The following ADAMTS13 variants were observed in gnomAD, a reference collection of about 807,000 sequenced individuals.
The protein encoded by ADAMTS13 is A disintegrin and metalloproteinase with thrombospondin motifs 13.
A neutral mutation model predicts 155.1 loss-of-function variants in ADAMTS13; 110 were observed. The observed-to-expected ratio is 0.71, with a 90% CI of 0.61 to 0.83. ADAMTS13 has a LOEUF of 0.83. Among genes scored for constraint, ADAMTS13 ranks in the 40% least tolerant of loss-of-function variants. ADAMTS13 has a pLI of 0.00. For synonymous variants in ADAMTS13, 758 were observed against 756.4 expected (o/e 1.00, Z -0.03); for missense variants, 1,707 against 1,891.7 (o/e 0.90, Z 1.81).
chr9:133,425,585 G>A lies in ADAMTS13; in HGVS notation c.387G>A (p.Val129=). 6.2e-7 allele frequency: 1 copy of A among 1,613,738 alleles called. No homozygotes were observed. Among genetic ancestry groups the A allele is most frequent in the Non-Finnish European group, 8.5e-7 (1 of 1,179,994 alleles). The part of the protein sequence containing the change: ...SLGAQFRVHL[V]KMVILTEPEG... ...GGGCTCAGTTTCGGGTGCACCTGGTGAAGATGGTCATTCTGACAGAGCCTG... is the reference window on the plus strand; with the variant it reads ...GGGCTCAGTTTCGGGTGCACCTGGTAAAGATGGTCATTCTGACAGAGCCTG... The change falls in exon 4 of 29, where the codon GTG becomes GTA. Residue 129 remains valine (V), a synonymous_variant. Coordinates refer to ENST00000355699, the MANE Select transcript of ADAMTS13 (RefSeq NM_139027.6). This position sits in a 1 kb window ranked among gnomAD's most constrained non-coding sequence, Gnocchi z 4.6.
At chr9:133,452,497 G>C (rs1554794612) in intron 23 of ADAMTS13, among the ~76,000 whole-genome samples, 3 of 152,068 alleles carry the variant, frequency 2.0e-5, no homozygotes, top group African/African-American at 7.2e-5. Flanking sequence ...AAGTCCCTTG[G>C]CTGTGTGTCC....
In ADAMTS13 at chr9:133,425,525, A is replaced by C; in HGVS notation, c.331-4A>C. The C allele has an allele frequency of 6.2e-7, 1 of 1,612,638 alleles. No individual in the cohort carries two copies. Among genetic ancestry groups the C allele is most frequent in the Non-Finnish European group, 8.5e-7 (1 of 1,179,614 alleles). ...GGTTACCTCTCTCATCTGCCCTTGC[A>C]CAGGGGGCAGAACTGCTTCGGGACC... On this transcript the variant is annotated splice_region_variant and splice_polypyrimidine_tract_variant and intron_variant, in intron 3 of 28. Transcript: ENST00000355699. This position sits in a 1 kb window ranked among gnomAD's most constrained non-coding sequence, Gnocchi z 4.6.
chr9:133,437,565 C>G (rs1270335423), intron 12 of ADAMTS13, among the ~76,000 whole-genome samples, 184 bp from the exon 13 acceptor site: 1 of 152,100 alleles, frequency 6.6e-6, no homozygotes, highest in Non-Finnish European at 1.5e-5. Context: ...GCCTTGGTTC[C>G]TAATTCAATA....
intron 25 of ADAMTS13, 193 bp from the exon 26 acceptor site, chr9:133,455,876 C>T: frequency 1.3e-6 from 1 of 797,136 alleles, no homozygotes; most frequent in East Asian, 2.7e-5. Context: ...CATCTGGTAG[C>T]AGCCCTGTGC....
chr9:133,430,174 C>T lies in ADAMTS13; in HGVS notation c.987+73C>T, dbSNP rs1325943164. 15 of 1,531,390 alleles carry T rather than the reference C, an allele frequency of 9.8e-6. No individual in the cohort carries two copies. In the East Asian group the frequency reaches 3.7e-4, roughly 37 times the overall value. 94.9% of individuals were successfully genotyped at this position (1,531,390 alleles called of 1,614,324 possible). On this transcript the variant is annotated intron_variant, in intron 8 of 28. Coordinates refer to ENST00000355699, the MANE Select transcript of ADAMTS13 (RefSeq NM_139027.6). Reference sequence around the variant, plus strand: ...ATCACCCAGCTCACGTCCCCCAAAACGTGCATGGTGAGAACCTGCTGGGTG... The same window carrying T: ...ATCACCCAGCTCACGTCCCCCAAAATGTGCATGGTGAGAACCTGCTGGGTG...
intron 1 of ADAMTS13, 77 bp from the exon 2 acceptor site, chr9:133,423,024 C>A: frequency 1.5e-6 from 2 of 1,321,682 alleles, no homozygotes; most frequent in Non-Finnish European, 2.2e-6. Context: ...GATCCTCCCA[C>A]CTCGGTCTCC....
rs782487647 is a variant in ADAMTS13 at position 133,448,821 on chromosome 9, G to A, written c.2861+93G>A. 344 of 1,527,530 alleles carry A rather than the reference G, an allele frequency of 2.3e-4. 1 individual carries two copies. Among genetic ancestry groups the A allele is most frequent in the Non-Finnish European group, 2.8e-4 (316 of 1,139,146 alleles). The allele number at this position is 1,527,530 out of a possible 1,614,324, so 94.6% of individuals were successfully genotyped here. The stretch of plus-strand genomic sequence containing the variant: ...CATGCCCGGTGACCTGCGGAGGGGG[G>A]CAGGTGCTGCTGGCTGTGCACTGTG... On this transcript the variant is annotated intron_variant, in intron 22 of 28. Transcript: ENST00000355699.
upstream of ADAMTS13, chr9:133,417,807 G>A (rs148117957): frequency 6.2e-7 from 1 of 1,606,570 alleles, no homozygotes; most frequent in Non-Finnish European, 8.5e-7. Flanking sequence ...GGGGCTGCTC[G>A]GGGCGCGCTT....
At chr9:133,423,858 G>C (rs1554784311) in intron 2 of ADAMTS13, among the ~76,000 whole-genome samples, 1 of 152,264 alleles carries the variant, frequency 6.6e-6, no homozygotes, top group Non-Finnish European at 1.5e-5. Flanking sequence ...TGCCGCTCCT[G>C]AAAGGCTGGG....
intron 8 of ADAMTS13, among the ~76,000 whole-genome samples, chr9:133,430,340 A>G (rs782799358): frequency 2.9e-4 from 44 of 152,210 alleles, no homozygotes; most frequent in Non-Finnish European, 5.7e-4. Flanking sequence ...TAGTCCTGGG[A>G]GGGCCCCTGT....
intron 11 of ADAMTS13, among the ~76,000 whole-genome samples, chr9:133,435,437 C>T (rs1267011283): frequency 1.3e-5 from 2 of 152,004 alleles, no homozygotes; most frequent in Non-Finnish European, 2.9e-5. Context: ...GATCTGCCCG[C>T]CTTGGCCTCC....
chr9:133,438,127 G>A (rs587625957), intron 13 of ADAMTS13, 119 bp from the exon 14 acceptor site: 27 of 1,558,112 alleles, frequency 1.7e-5, no homozygotes, highest in Admixed American at 3.4e-5. Context: ...AGATGGTGGG[G>A]TGCTATAGAA....
Position 133,440,568 on chromosome 9 carries a change from T to A in ADAMTS13, c.1968+43T>A. 6.5e-7 allele frequency: 1 copy of A among 1,537,156 alleles called. No homozygotes were observed. Among genetic ancestry groups the A allele is most frequent in the Non-Finnish European group, 8.8e-7 (1 of 1,137,092 alleles). ...GGGGAGGCCAGTGGGGGCTTCTTCT[T>A]GGGGGCTATGGCTGCTTGCTCGTTT... On this transcript the variant is annotated intron_variant, in intron 16 of 28. Transcript: ENST00000355699. The surrounding 1 kb of genome is among the most constrained non-coding windows in gnomAD (Gnocchi z 4.3).
In ADAMTS13 at chr9:133,448,531, T is replaced by TGAGC. The variant is rs1020657872; in HGVS notation, c.2732-67_2732-64dup. 3 of 1,598,290 alleles carry TGAGC rather than the reference T, an allele frequency of 1.9e-6. No individual in the cohort carries two copies. In the Admixed American group the frequency reaches 5.0e-5, roughly 27 times the overall value. ...GGCCTTATGTGCTAGAGGTGTCCAG[T>TGAGC]GAGCCTGGGCTGCAGTCCTTGCTGA... is the stretch of plus-strand genomic sequence containing the variant. On this transcript the variant is annotated intron_variant, in intron 21 of 28. Coordinates refer to ENST00000355699, the MANE Select transcript of ADAMTS13 (RefSeq NM_139027.6).
chr9:133,424,856 C>A lies in ADAMTS13; in HGVS notation c.330+378C>A, dbSNP rs115933402. Among the ~76,000 whole-genome samples, 316 of 152,334 alleles carry A rather than the reference C, an allele frequency of 2.1e-3. 3 individuals carry two copies. The highest frequency in any genetic ancestry group is 7.4e-3 in the African/African-American group (308 of 41,578). On this transcript the variant is annotated intron_variant, in intron 3 of 28. Coordinates refer to ENST00000355699, the MANE Select transcript of ADAMTS13 (RefSeq NM_139027.6). This position sits in a 1 kb window ranked among gnomAD's most constrained non-coding sequence, Gnocchi z 4.3. ...CCCTGCCCTCTCTCCATTCTCTTGT[C>A]CCCCGCTCAGAGTGGCGAGGACAGG... is the stretch of plus-strand genomic sequence containing the variant.
chr9:133,442,791 G>A lies in ADAMTS13; in HGVS notation c.2234+48G>A, dbSNP rs587743118. On this transcript the variant is annotated intron_variant, in intron 18 of 28. Coordinates refer to ENST00000355699, the MANE Select transcript of ADAMTS13 (RefSeq NM_139027.6). ...AGCTCCAAGGGGGAGAGAGGGTTCC[G>A]CTGGGGCTGCTGGGCTCTGTCCCTG... 7.3e-5 allele frequency: 114 copies of A among 1,569,066 alleles called. No individual in the cohort carries two copies. In the South Asian group the frequency reaches 1.0e-3, roughly 14 times the overall value.
At position 133,425,647 on chromosome 9, in the gene ADAMTS13, G is replaced by C. The variant is rs1840231580; in HGVS notation, c.414+35G>C. The C allele has an allele frequency of 6.2e-7, 1 of 1,604,882 alleles. No individual in the cohort carries two copies. The highest frequency in any genetic ancestry group is 8.5e-7 in the Non-Finnish European group (1 of 1,174,760). ...GAGCTGGAACTCAGCACACCATACAGAGCGGGAAGCCCAAGTCATCGCATC... is the reference window on the plus strand; with the variant it reads ...GAGCTGGAACTCAGCACACCATACACAGCGGGAAGCCCAAGTCATCGCATC... On this transcript the variant is annotated intron_variant, in intron 4 of 28. Transcript: ENST00000355699. The surrounding 1 kb of genome is among the most constrained non-coding windows in gnomAD (Gnocchi z 4.6).
chr9:133,431,096 C>G (rs587672255), intron 8 of ADAMTS13, among the ~76,000 whole-genome samples: 1 of 152,116 alleles, frequency 6.6e-6, no homozygotes, highest in South Asian at 2.1e-4. Context: ...CTTGGAGTAG[C>G]TGGGACTACA....
At chr9:133,429,752 A>C in intron 7 of ADAMTS13, 187 bp from the exon 8 acceptor site, 1 of 808,322 alleles carries the variant, frequency 1.2e-6, no homozygotes. Context: ...CTGCGCCGGC[A>C]GGAGCCTTAG....
Sources: allele counts gnomAD v4.1 joint callset (sites outside exome capture counted in the v4.1 genomes callset), GRCh38; gene constraint gnomAD v4.1.1; non-coding constraint Gnocchi (gnomAD v3.1); transcripts MANE v1.5; gene names NCBI Gene and HGNC (gene_info 2026-07-23, HGNC 2026-07-21).